The following FNDC3A variants were observed in gnomAD, a reference collection of about 807,000 sequenced individuals.
The protein encoded by FNDC3A is fibronectin type III domain containing 3A.
Under a neutral mutation model 148.9 loss-of-function variants are expected in FNDC3A, and 32 were observed. The observed-to-expected ratio is 0.21, with a 90% confidence interval of 0.16 to 0.29. FNDC3A has a LOEUF of 0.29. FNDC3A is among the 10% of genes least tolerant of loss of function. The pLI is 1.00. For missense variants in FNDC3A, 1,191 were observed against 1,452.8 expected (o/e 0.82, Z 2.93); for synonymous variants, 472 against 473.6 (o/e 1.00, Z 0.04).
chr13:49,127,503 A>G (rs1439491854), intron 4 of FNDC3A, among the ~76,000 whole-genome samples: 1 of 152,198 alleles, frequency 6.6e-6, no homozygotes, highest in Non-Finnish European at 1.5e-5. Flanking sequence ...TCCAGTGGTC[A>G]GATTCTTAGT....
intron 3 of FNDC3A, among the ~76,000 whole-genome samples, chr13:49,085,600 C>A (rs1029567773): frequency 6.6e-6 from 1 of 152,140 alleles, no homozygotes; most frequent in Admixed American, 6.5e-5. Context: ...ATAGTCACTA[C>A]AACTTTTGCT....
chr13:49,067,799 AC>A (rs1337850969), intron 2 of FNDC3A, among the ~76,000 whole-genome samples: 1 of 152,136 alleles, frequency 6.6e-6, no homozygotes, highest in African/African-American at 2.4e-5. Context: ...TTGTTTACAA[AC>A]CCTTTGAATC....
At chr13:48,982,552 T>C (rs1951712302) in intron 1 of FNDC3A, among the ~76,000 whole-genome samples, 1 of 152,184 alleles carries the variant, frequency 6.6e-6, no homozygotes, top group Non-Finnish European at 1.5e-5. Flanking sequence ...ATGTAGGGGC[T>C]ACTGCCCCTC....
chr13:49,126,709 GTTATTTA>G (rs1881722633), intron 4 of FNDC3A, among the ~76,000 whole-genome samples: 1 of 152,098 alleles, frequency 6.6e-6, no homozygotes. Flanking sequence ...CCCTGGGCAA[GTTATTTA>G]ACATCTCTAT....
chr13:49,017,348 A>G (rs947308436), intron 2 of FNDC3A, among the ~76,000 whole-genome samples: 1 of 152,052 alleles, frequency 6.6e-6, no homozygotes, highest in Non-Finnish European at 1.5e-5. Flanking sequence ...TCCCTTTACC[A>G]TTATGTAATG....
intron 3 of FNDC3A, among the ~76,000 whole-genome samples, chr13:49,102,505 A>G (rs1879925365): frequency 6.6e-6 from 1 of 152,194 alleles, no homozygotes; most frequent in Admixed American, 6.5e-5. Flanking sequence ...TCCTACCTTC[A>G]GAACCCTTCT....
At chr13:49,106,773 CAAAA>C (rs543962565) in intron 3 of FNDC3A, among the ~76,000 whole-genome samples, 1 of 79,890 alleles carries the variant, frequency 1.3e-5, no homozygotes, top group African/African-American at 5.2e-5. Flanking sequence ...TGAATGAAAG[CAAAA>C]AAAAAAAAAA....
At chr13:49,053,720 C>T (rs7995616) in intron 2 of FNDC3A, among the ~76,000 whole-genome samples, 88,897 of 151,896 alleles carry the variant, frequency 0.59, 27,461 homozygotes, top group Non-Finnish European at 0.68. Context: ...ATGTAGATGA[C>T]GTCTCATATG....
intron 8 of FNDC3A, among the ~76,000 whole-genome samples, chr13:49,162,396 A>T (rs945999659): frequency 1.3e-5 from 2 of 152,176 alleles, no homozygotes; most frequent in Non-Finnish European, 2.9e-5. Flanking sequence ...CACTTGATGG[A>T]ATCTGGTACT....
At chr13:49,195,382 C>T (rs186174189) in intron 19 of FNDC3A, among the ~76,000 whole-genome samples, 6 of 152,234 alleles carry the variant, frequency 3.9e-5, no homozygotes, top group African/African-American at 1.4e-4. Flanking sequence ...CCTGTGCAAT[C>T]GGATTTGGAG....
At chr13:49,173,493 C>CA (rs1884869701) in intron 11 of FNDC3A, among the ~76,000 whole-genome samples, 1 of 152,158 alleles carries the variant, frequency 6.6e-6, no homozygotes, top group African/African-American at 2.4e-5. Context: ...CATCACTAAA[C>CA]AAAGGCATTT....
chr13:49,020,006 T>G (rs1873198783), intron 2 of FNDC3A, among the ~76,000 whole-genome samples: 1 of 152,250 alleles, frequency 6.6e-6, no homozygotes, highest in Admixed American at 6.5e-5. Context: ...CTGTGAATAC[T>G]TCATCTTAAG....
At chr13:49,109,115 T>C (rs532478025) in intron 3 of FNDC3A, among the ~76,000 whole-genome samples, 3 of 152,348 alleles carry the variant, frequency 2.0e-5, no homozygotes, top group Admixed American at 6.5e-5. Context: ...GAAATGATGC[T>C]CACTTCACTT....
chr13:49,199,326 C>T (rs919270882), intron 23 of FNDC3A, among the ~76,000 whole-genome samples: 1 of 146,362 alleles, frequency 6.8e-6, no homozygotes, highest in African/African-American at 2.6e-5. Flanking sequence ...CTGACCGAAA[C>T]AATTTTTTTT....
intron 14 of FNDC3A, among the ~76,000 whole-genome samples, chr13:49,183,839 C>A (rs945864497): frequency 2.6e-5 from 4 of 152,138 alleles, no homozygotes; most frequent in African/African-American, 9.7e-5. Flanking sequence ...TTACTCATAT[C>A]CTTGTGTATG....
intron 2 of FNDC3A, among the ~76,000 whole-genome samples, chr13:49,024,231 A>G (rs777198278): frequency 2.0e-5 from 3 of 152,034 alleles, no homozygotes; most frequent in Non-Finnish European, 2.9e-5. Context: ...TGAATTTTTA[A>G]TAATGTCTCC....
rs375405974 is a variant in FNDC3A at position 49,085,964 on chromosome 13, C to T, written c.175+10600C>T. Among the ~76,000 whole-genome samples, 242 of 151,836 alleles carry T rather than the reference C, an allele frequency of 1.6e-3. 6 individuals are homozygous for T. The South Asian group carries it at 0.044, about 28-fold the overall frequency. ...ATGGCCCGATCTCGGCTCACTGCAACCTCTGCCTCCTGAGTTCAAGTGATT... is the reference window on the plus strand; with the variant it reads ...ATGGCCCGATCTCGGCTCACTGCAATCTCTGCCTCCTGAGTTCAAGTGATT... On this transcript the variant is annotated intron_variant, in intron 3 of 25. Transcript: ENST00000492622.
At chr13:49,010,154 T>C (rs534302292) in intron 2 of FNDC3A, among the ~76,000 whole-genome samples, 2 of 152,270 alleles carry the variant, frequency 1.3e-5, no homozygotes, top group African/African-American at 4.8e-5. Flanking sequence ...AAACCTTTTG[T>C]TGGGGTTTTC....
intron 4 of FNDC3A, among the ~76,000 whole-genome samples, chr13:49,128,638 T>C (rs746267568): frequency 6.6e-6 from 1 of 152,202 alleles, no homozygotes; most frequent in Non-Finnish European, 1.5e-5. Flanking sequence ...TGACAGTAAA[T>C]GATGAACTCC....
Sources: gnomAD v4.1 joint callset for allele counts (sites outside exome capture counted in the v4.1 genomes callset) on GRCh38, gnomAD v4.1.1 for gene constraint, MANE v1.5 for transcripts, NCBI Gene and HGNC (gene_info 2026-07-23, HGNC 2026-07-21) for gene names.